IQANK1: variants seen among roughly 807,000 people sequenced by gnomAD.
The protein encoded by IQANK1 is IQ motif and ankyrin repeat containing 1, also known as IQ motif and ankyrin repeat domain-containing protein 1.
Under a neutral mutation model 22.6 loss-of-function variants are expected in IQANK1, and 30 were observed. That is an observed-to-expected ratio of 1.33 (90% CI 0.99 to 1.80). The LOEUF is 1.80. Among genes scored for constraint, IQANK1 ranks in the 40% most tolerant of loss-of-function variants. The pLI, the probability that IQANK1 is intolerant of heterozygous loss-of-function variation, is 0.00. For synonymous variants in IQANK1, 122 were observed against 99.6 expected, an observed-to-expected ratio of 1.23 and a Z score of -1.34; for missense variants, 275 against 235.2, an observed-to-expected ratio of 1.17 and a Z score of -1.11.
At chr8:143,753,929 G>T (rs1432406338) in intron 3 of IQANK1, among the ~76,000 whole-genome samples, 3 of 150,726 alleles carry the variant, frequency 2.0e-5, no homozygotes, top group Admixed American at 6.6e-5. Flanking sequence ...GGTTTTGTTT[G>T]TTTTTTTTTC....
chr8:143,744,152 C>A, intron 3 of IQANK1: 1 of 186,854 alleles, frequency 5.4e-6, no homozygotes, highest in Non-Finnish European at 1.1e-5. Context: ...TTTCATGGAC[C>A]CTCGTGATTG....
intron 7 of IQANK1, among the ~76,000 whole-genome samples, chr8:143,777,233 T>C (rs1587490592): frequency 6.6e-6 from 1 of 152,180 alleles, no homozygotes; most frequent in South Asian, 2.1e-4. Flanking sequence ...AGATAATAAT[T>C]GGCTGGCCAC....
At chr8:143,750,028 G>C (rs1254269436) in intron 3 of IQANK1, among the ~76,000 whole-genome samples, 4 of 149,168 alleles carry the variant, frequency 2.7e-5, no homozygotes, top group Non-Finnish European at 5.9e-5. Context: ...TTTTGAGGTG[G>C]AGTTTCGCTC....
intron 3 of IQANK1, among the ~76,000 whole-genome samples, chr8:143,749,183 A>C (rs1819127069): frequency 8.1e-6 from 1 of 123,976 alleles, no homozygotes; most frequent in Non-Finnish European, 1.5e-5. Flanking sequence ...TATAATATAT[A>C]AATATATATC....
chr8:143,743,658 G>A (rs1303366729), intron 3 of IQANK1, among the ~76,000 whole-genome samples: 2 of 152,168 alleles, frequency 1.3e-5, no homozygotes. Context: ...GATCTGGCAG[G>A]ACATTTAACA....
intron 3 of IQANK1, among the ~76,000 whole-genome samples, chr8:143,747,017 T>C (rs1000424864): frequency 2.0e-5 from 3 of 152,072 alleles, no homozygotes; most frequent in African/African-American, 7.2e-5. Context: ...GTAGCTGGGA[T>C]TACAGGTGCC....
At chr8:143,737,621 C>T (rs145548192) in intron 2 of IQANK1, among the ~76,000 whole-genome samples, 231 of 152,330 alleles carry the variant, frequency 1.5e-3, no homozygotes, top group Non-Finnish European at 2.6e-3. Flanking sequence ...TCCGGGACCC[C>T]TCCCGCCACC....
rs1296587462 is a variant in IQANK1, at chr8:143,771,952, C to A, written c.458C>A (p.Ala153Glu). The A allele has an allele frequency of 1.4e-5, 5 of 359,220 alleles. No homozygotes were observed. Among genetic ancestry groups the A allele is most frequent in the Non-Finnish European group, 2.3e-5 (5 of 214,344 alleles). 22.3% of individuals were successfully genotyped at this position (359,220 alleles called of 1,614,324 possible). A position where few individuals can be genotyped will look rare whatever the true frequency, so the allele number is the denominator to read the frequency against. Residue 153 changes from alanine (A) to glutamate (E), a missense_variant, in exon 5 of 14, where the codon GCG becomes GAG. By Grantham distance (107) the Ala-to-Glu change is moderately radical (BLOSUM62 -1). Transcript: ENST00000527139. This position sits in a 1 kb window ranked among gnomAD's most constrained non-coding sequence, Gnocchi z 6.0. ...AFDGDVGEIR[A>E]VLKEVEQLLT... ...GACGGGGACGTGGGCGAGATCCGGG[C>A]GGTGCTGAAGGAGGTCAGCGGGGGC...
chr8:143,739,309 G>A (rs1355049468), intron 2 of IQANK1: 5 of 152,416 alleles, frequency 3.3e-5, no homozygotes, highest in Non-Finnish European at 7.3e-5. Flanking sequence ...CCCACGCCCA[G>A]GGCCCCATCC....
At chr8:143,741,812 T>G (rs1554626536) in intron 3 of IQANK1, 1 of 154,736 alleles carries the variant, frequency 6.5e-6, no homozygotes, top group Admixed American at 6.3e-5. Context: ...TTCCAGGAAG[T>G]CCATCCAGAC....
At position 143,790,587 on chromosome 8, in the gene IQANK1, G is replaced by A; in HGVS notation, c.1662G>A (p.Gln554=). Reference sequence around the variant, plus strand: ...AGGTGCTGCTCCCAGTGCGCGTGCAGCTGCCAGGCACAGGCCTCTAGTGCT... The same window carrying A: ...AGGTGCTGCTCCCAGTGCGCGTGCAACTGCCAGGCACAGGCCTCTAGTGCT... ...QLQVLLPVRV[Q]LPGTGL is the part of the protein sequence containing the mutation. Residue 554 remains glutamine, a synonymous_variant, in exon 14 of 14, where the codon CAG becomes CAA. Coordinates refer to ENST00000527139, the MANE Select transcript of IQANK1 (RefSeq NM_001381874.1). 1 of 398,912 alleles carries A rather than the reference G, an allele frequency of 2.5e-6. No individual in the cohort carries two copies. Among genetic ancestry groups the A allele is most frequent in the East Asian group, 3.6e-5 (1 of 28,074 alleles). 24.7% of individuals were successfully genotyped at this position (398,912 alleles called of 1,614,324 possible). A position where few individuals can be genotyped will look rare whatever the true frequency, so the allele number is the denominator to read the frequency against.
chr8:143,786,338 A>G (rs1227018724), intron 7 of IQANK1, among the ~76,000 whole-genome samples: 1 of 152,222 alleles, frequency 6.6e-6, no homozygotes, highest in Non-Finnish European at 1.5e-5. Context: ...CCTCACTCGG[A>G]GGCTACTGTC....
rs1046342666 is a variant in IQANK1 at position 143,735,052 on chromosome 8, G to A, written c.-4-798G>A. 2.0e-5 allele frequency among the ~76,000 whole-genome samples: 3 copies of A among 152,142 alleles called. No individual in the cohort carries two copies. The South Asian group carries it at 6.2e-4, about 32-fold the overall frequency. On this transcript the variant is annotated intron_variant, in intron 1 of 13. Transcript: ENST00000527139. The surrounding 1 kb of genome is among the most constrained non-coding windows in gnomAD (Gnocchi z 5.2). ...ATGGTCATCAGTCGCCTTTCTCTTT[G>A]TTCCTCTTGCCATGTGATCCTATTT...
chr8:143,749,650 C>T (rs1304358694), intron 3 of IQANK1, among the ~76,000 whole-genome samples: 1 of 143,446 alleles, frequency 7.0e-6, no homozygotes, highest in African/African-American at 2.5e-5. Flanking sequence ...GGCTGGAGTG[C>T]AGTGGCATGA....
chr8:143,773,337 CAG>C (rs1819622806), intron 7 of IQANK1, among the ~76,000 whole-genome samples: 1 of 148,328 alleles, frequency 6.7e-6, no homozygotes, highest in Admixed American at 6.7e-5. Flanking sequence ...ACAAAAAAAA[CAG>C]AGTCTGCCCT....
At chr8:143,762,465 G>C (rs1308450725) in intron 3 of IQANK1, among the ~76,000 whole-genome samples, 1 of 152,198 alleles carries the variant, frequency 6.6e-6, no homozygotes, top group East Asian at 1.9e-4. Flanking sequence ...CATCTCACTA[G>C]GCAGCCAGGG....
In IQANK1 at chr8:143,776,346, G is replaced by GAAAAAGA. The variant is rs1180352994; in HGVS notation, c.789+3877_789+3883dup. Among the ~76,000 whole-genome samples the GAAAAAGA allele has an allele frequency of 3.4e-5, 4 of 118,572 alleles. 1 individual carries two copies. The highest frequency in any genetic ancestry group is 8.8e-5 in the African/African-American group (3 of 34,248). The allele number at this position is 118,572 out of a possible 152,430, so 77.8% of individuals were successfully genotyped here. A position where few individuals can be genotyped will look rare whatever the true frequency, so the allele number is the denominator to read the frequency against. On this transcript the variant is annotated intron_variant, in intron 7 of 13. Transcript: ENST00000527139. The stretch of plus-strand genomic sequence containing the variant: ...CCGTCTCAAAAAAAAAAAAAAAAAA[G>GAAAAAGA]AAAAAGAAAAAAGAAAAAAATTGAG...
chr8:143,743,984 C>T, intron 3 of IQANK1: 1 of 331,088 alleles, frequency 3.0e-6, no homozygotes, highest in South Asian at 2.2e-5. Flanking sequence ...CAGGCACCCA[C>T]CACCACACCC....
At chr8:143,767,877 C>CTTTTTT (rs782768885) in intron 3 of IQANK1, among the ~76,000 whole-genome samples, 2 of 78,788 alleles carry the variant, frequency 2.5e-5, no homozygotes, top group Non-Finnish European at 4.4e-5. Context: ...GGAGCGAGAC[C>CTTTTTT]TTTTTTTTTT....
Sources: gnomAD v4.1 joint callset for allele counts (sites outside exome capture counted in the v4.1 genomes callset) on GRCh38, gnomAD v4.1.1 for gene constraint, Gnocchi (gnomAD v3.1) non-coding constraint, MANE v1.5 for transcripts, NCBI Gene and HGNC (gene_info 2026-07-23, HGNC 2026-07-21) for gene names.